NCOA1: variants seen among roughly 807,000 people sequenced by gnomAD.
The protein encoded by NCOA1 is Hin-2 protein.
A neutral mutation model predicts 150.9 loss-of-function variants in NCOA1; 35 were observed. The ratio of observed to expected loss-of-function variants is 0.23; its 90% CI spans 0.18 to 0.31. NCOA1 has a LOEUF of 0.31. Among genes scored for constraint, NCOA1 ranks in the 10% least tolerant of loss-of-function variants. The pLI, the probability that NCOA1 is intolerant of heterozygous loss-of-function variation, is 1.00. For missense variants in NCOA1, 1,491 were observed against 1,749.3 expected, an observed-to-expected ratio of 0.85 and a Z score of 2.63; for synonymous variants, 590 against 630.0, an observed-to-expected ratio of 0.94 and a Z score of 0.95.
At chr2:24,720,958 G>A (rs1357738369) in intron 14 of NCOA1, among the ~76,000 whole-genome samples, 1 of 152,148 alleles carries the variant, frequency 6.6e-6, no homozygotes, top group Non-Finnish European at 1.5e-5. Context: ...TCTTGCATAG[G>A]ATAGTTTAAT....
intron 14 of NCOA1, 26 bp from the exon 15 acceptor site, chr2:24,726,563 C>T (rs777750316): frequency 9.0e-5 from 132 of 1,465,478 alleles, no homozygotes; most frequent in Non-Finnish European, 1.2e-4. Context: ...GAGATAATGA[C>T]TTCTTACCTT....
intron 3 of NCOA1, among the ~76,000 whole-genome samples, chr2:24,596,565 A>T (rs1350393492): frequency 6.6e-6 from 1 of 152,116 alleles, no homozygotes; most frequent in Non-Finnish European, 1.5e-5. Context: ...TGTCGGGCTT[A>T]AGTTAGTGAT....
At chr2:24,715,131 T>C (rs1438947264) in intron 14 of NCOA1, among the ~76,000 whole-genome samples, 2 of 151,884 alleles carry the variant, frequency 1.3e-5, no homozygotes, top group Non-Finnish European at 2.9e-5. Flanking sequence ...CCTGAGAAAA[T>C]TTGTCACCAG....
chr2:24,708,934 A>G (rs1056238078), intron 13 of NCOA1, among the ~76,000 whole-genome samples: 5 of 152,128 alleles, frequency 3.3e-5, no homozygotes, highest in Non-Finnish European at 5.9e-5. Context: ...TTCACAAACC[A>G]ATTCAAATAA....
chr2:24,627,362 A>G (rs1471674530), intron 3 of NCOA1, among the ~76,000 whole-genome samples: 1 of 152,138 alleles, frequency 6.6e-6, no homozygotes, highest in African/African-American at 2.4e-5. Flanking sequence ...ATTTAGAAAT[A>G]TGATAAAAAT....
chr2:24,498,963 T>G (rs570475308), intron 1 of NCOA1, among the ~76,000 whole-genome samples: 114 of 152,290 alleles, frequency 7.5e-4, no homozygotes, highest in African/African-American at 2.7e-3. Context: ...TTTTTTTGAA[T>G]AGAAGTTGGT....
rs1332163417 is a variant in NCOA1 at position 24,671,117 on chromosome 2, A to G, written c.257-2249A>G. On this transcript the variant is annotated intron_variant, in intron 6 of 22. Coordinates refer to ENST00000348332, the MANE Select transcript of NCOA1 (RefSeq NM_003743.5). Reference sequence around the variant, plus strand: ...AGTTTATTATAGCACTGTAGTTATCAAAAGACCTACCAGTAGGGGAATAGA... The same window carrying G: ...AGTTTATTATAGCACTGTAGTTATCGAAAGACCTACCAGTAGGGGAATAGA... Among the ~76,000 whole-genome samples the G allele has an allele frequency of 3.3e-5, 5 of 152,362 alleles. No homozygotes were observed. In the East Asian group the frequency reaches 9.6e-4, roughly 29 times the overall value.
At chr2:24,756,922 A>G (rs1664532744) in intron 20 of NCOA1, among the ~76,000 whole-genome samples, 1 of 152,238 alleles carries the variant, frequency 6.6e-6, no homozygotes. Context: ...AGGCTCTCTG[A>G]AAAACATAAC....
intron 15 of NCOA1, 117 bp downstream of exon 15, chr2:24,726,823 T>C (rs1674649827): frequency 1.0e-5 from 4 of 396,426 alleles, no homozygotes; most frequent in Non-Finnish European, 1.7e-5. Flanking sequence ...TTAATAGATG[T>C]AAATACTTAC....
intron 4 of NCOA1, among the ~76,000 whole-genome samples, chr2:24,650,115 A>G (rs1280793148): frequency 2.0e-5 from 3 of 152,174 alleles, no homozygotes; most frequent in Non-Finnish European, 4.4e-5. Context: ...CATAATGGTT[A>G]AGAACGTTGG....
intron 3 of NCOA1, among the ~76,000 whole-genome samples, chr2:24,643,023 C>T (rs1033220940): frequency 2.0e-5 from 3 of 152,146 alleles, no homozygotes; most frequent in African/African-American, 7.2e-5. Context: ...GGTGATGAAG[C>T]AGTGAATCTC....
At chr2:24,766,251 T>C (rs1665059157) in intron 22 of NCOA1, among the ~76,000 whole-genome samples, 1 of 152,250 alleles carries the variant, frequency 6.6e-6, no homozygotes, top group Admixed American at 6.5e-5. Context: ...CTTTCTAGTT[T>C]GTTTTATCAT....
intron 3 of NCOA1, among the ~76,000 whole-genome samples, chr2:24,600,683 T>C (rs1017513733): frequency 1.3e-5 from 2 of 152,222 alleles, no homozygotes; most frequent in African/African-American, 4.8e-5. Context: ...GCCTACATCC[T>C]CTTGCTTTCT....
At chr2:24,536,725 G>T (rs1466033724) in intron 1 of NCOA1, among the ~76,000 whole-genome samples, 1 of 152,176 alleles carries the variant, frequency 6.6e-6, no homozygotes, top group Non-Finnish European at 1.5e-5. Context: ...CTGCAGGTCT[G>T]TTGGAGTTTG....
intron 1 of NCOA1, among the ~76,000 whole-genome samples, chr2:24,541,120 G>T (rs926866795): frequency 1.3e-5 from 2 of 152,166 alleles, no homozygotes; most frequent in Non-Finnish European, 2.9e-5. Flanking sequence ...AATGTCTGGG[G>T]TTGAGGACAA....
rs1439975161 is a variant in NCOA1, at chr2:24,726,666, A to C, written c.2677A>C (p.Asn893His). The C allele has an allele frequency of 1.9e-6, 3 of 1,611,036 alleles. No homozygotes were observed. Among genetic ancestry groups the C allele is most frequent in the Admixed American group, 1.7e-5 (1 of 59,586 alleles). Residue 893 changes from asparagine (N) to histidine (H), a missense_variant, in exon 15 of 23, where the codon AAT becomes CAT. Physicochemically the swap from Asn to His is moderately conservative, Grantham distance 68. Coordinates refer to ENST00000348332, the MANE Select transcript of NCOA1 (RefSeq NM_003743.5). ...PGTGDQIPWT[N>H]NTVTAINQSK... ...AACAGGCGATCAGATTCCATGGACA[A>C]ATAATACAGTGACAGCTATAAATCA...
At chr2:24,609,111 A>C (rs1342052929) in intron 3 of NCOA1, among the ~76,000 whole-genome samples, 1 of 152,148 alleles carries the variant, frequency 6.6e-6, no homozygotes, top group African/African-American at 2.4e-5. Context: ...CAAGTTACTA[A>C]ATCACCTTCA....
intron 17 of NCOA1, among the ~76,000 whole-genome samples, chr2:24,730,818 G>C (rs561669070): frequency 3.1e-4 from 44 of 144,016 alleles, no homozygotes; most frequent in Admixed American, 3.0e-3. Flanking sequence ...TTGAGGTTAG[G>C]AGTTCGAGAC....
chr2:24,570,865 G>A (rs202009817), intron 2 of NCOA1, among the ~76,000 whole-genome samples: 1 of 152,172 alleles, frequency 6.6e-6, no homozygotes, highest in East Asian at 1.9e-4. Context: ...GCAAATTGTA[G>A]GGAGAAAAAA....
Sources: allele counts gnomAD v4.1 joint callset (sites outside exome capture counted in the v4.1 genomes callset), GRCh38; gene constraint gnomAD v4.1.1; transcripts MANE v1.5; gene names NCBI Gene and HGNC (gene_info 2026-07-23, HGNC 2026-07-21).